The following WDR5 variants were observed in gnomAD, a reference collection of about 807,000 sequenced individuals.
WDR5 encodes WD repeat domain 5.
For missense variants in WDR5, 187 were observed against 416.9 expected (o/e 0.45, Z 4.80); for synonymous variants, 144 against 161.6 (o/e 0.89, Z 0.83).
intron 1 of WDR5, among the ~76,000 whole-genome samples, chr9:134,137,776 C>T (rs893234208): frequency 6.6e-6 from 1 of 152,084 alleles, no homozygotes; most frequent in African/African-American, 2.4e-5. Flanking sequence ...CACCCCCCGA[C>T]GGAGTTTCAC....
At position 134,159,474 on chromosome 9, in the gene WDR5, G is replaced by C. The variant is rs1832898910; in HGVS notation, c.*1481G>C. On this transcript the variant is annotated 3_prime_UTR_variant, in exon 14 of 14. Transcript: ENST00000358625. The surrounding 1 kb of genome is among the most constrained non-coding windows in gnomAD (Gnocchi z 4.3). ...CCTGGAGTCCTGGATGAATCCTGCA[G>C]GTTTTTGGTTGCACCGGCCCAGGGA... 1 of 152,360 alleles carries C rather than the reference G, an allele frequency of 6.6e-6. No homozygotes were observed. Among genetic ancestry groups the C allele is most frequent in the African/African-American group, 2.4e-5 (1 of 41,442 alleles). 9.4% of individuals were successfully genotyped at this position (152,360 alleles called of 1,614,324 possible).
chr9:134,154,812 C>A (rs555668525), intron 10 of WDR5, among the ~76,000 whole-genome samples: 2 of 152,338 alleles, frequency 1.3e-5, no homozygotes, highest in Non-Finnish European at 2.9e-5. Context: ...CCTAGCCATC[C>A]CGCATGAAGG....
chr9:134,151,064 G>A (rs561506035), intron 8 of WDR5, among the ~76,000 whole-genome samples: 157 of 152,262 alleles, frequency 1.0e-3, no homozygotes, highest in Non-Finnish European at 1.2e-3. Flanking sequence ...AGGCCCTCCC[G>A]CAGTGATTGC....
Position 134,142,353 on chromosome 9 carries a change from G to T in WDR5, c.375G>T (p.Leu125=), listed in dbSNP as rs1831939497. ...DVSSGKCLKT[L]KGHSNYVFCC... is the part of the protein sequence containing the mutation. ...TATAGGGCAAGTGTCTGAAAACCCTGAAGGGACACAGTAATTATGTCTTTT... is the reference window on the plus strand; with the variant it reads ...TATAGGGCAAGTGTCTGAAAACCCTTAAGGGACACAGTAATTATGTCTTTT... Residue 125 remains leucine, a synonymous_variant, in exon 6 of 14, where the codon CTG becomes CTT. Transcript: ENST00000358625. 6.2e-7 allele frequency: 1 copy of T among 1,614,038 alleles called. No individual in the cohort carries two copies. The highest frequency in any genetic ancestry group is 1.3e-5 in the African/African-American group (1 of 74,930).
intron 7 of WDR5, among the ~76,000 whole-genome samples, chr9:134,143,193 CG>C (rs1299167245): frequency 6.6e-6 from 1 of 152,192 alleles, no homozygotes; most frequent in Non-Finnish European, 1.5e-5. Context: ...CTCCGGAGAG[CG>C]GGCCTTGCAC....
At chr9:134,139,164 C>T (rs1018653924) in intron 1 of WDR5, among the ~76,000 whole-genome samples, 1 of 152,108 alleles carries the variant, frequency 6.6e-6, no homozygotes, top group Non-Finnish European at 1.5e-5. Context: ...GAAATTCCAG[C>T]AGGCAGAGCT....
intron 2 of WDR5, 115 bp downstream of exon 2, chr9:134,140,073 A>G (rs1831801294): frequency 1.6e-6 from 2 of 1,221,806 alleles, no homozygotes; most frequent in South Asian, 2.6e-5. Context: ...TGTCACTGCT[A>G]ATTTTTATTT....
intron 13 of WDR5, 55 bp downstream of exon 13, chr9:134,156,648 C>G (rs1445794063): frequency 2.5e-6 from 4 of 1,581,916 alleles, no homozygotes; most frequent in Non-Finnish European, 3.5e-6. Flanking sequence ...AGGACAGTTC[C>G]TGCAGGTGAA....
chr9:134,142,614 C>T, intron 6 of WDR5, 22 bp from the exon 7 acceptor site: 1 of 1,613,658 alleles, frequency 6.2e-7, no homozygotes. Flanking sequence ...TGTAAAATCA[C>T]TGTCATCTCT....
intron 8 of WDR5, among the ~76,000 whole-genome samples, chr9:134,150,289 A>C (rs1031938900): frequency 2.0e-4 from 31 of 152,262 alleles, no homozygotes; most frequent in Non-Finnish European, 3.8e-4. Context: ...TAACGTAAAC[A>C]TCAGGAAACC....
intron 1 of WDR5, among the ~76,000 whole-genome samples, chr9:134,137,949 G>T (rs942833923): frequency 6.6e-6 from 1 of 152,106 alleles, no homozygotes; most frequent in Admixed American, 6.5e-5. Flanking sequence ...CTCCATGCTG[G>T]TCAGGCTGGT....
At chr9:134,138,298 C>T (rs1831686784) in intron 1 of WDR5, among the ~76,000 whole-genome samples, 1 of 151,540 alleles carries the variant, frequency 6.6e-6, no homozygotes, top group African/African-American at 2.4e-5. Context: ...TGGTGTTTCG[C>T]TTGGGTAGGG....
At position 134,156,556 on chromosome 9, in the gene WDR5, G is replaced by A. The variant is rs779856578; in HGVS notation, c.867G>A (p.Gln289=). 6.2e-7 allele frequency: 1 copy of A among 1,614,234 alleles called. No homozygotes were observed. The highest frequency in any genetic ancestry group is 1.7e-5 in the Admixed American group (1 of 60,028). Residue 289 remains glutamine (Q), a synonymous_variant, in exon 13 of 14, where the codon CAG becomes CAA. Coordinates refer to ENST00000358625, the MANE Select transcript of WDR5 (RefSeq NM_017588.3). ...ACCTTGTTTACATCTGGAACCTTCA[G>A]ACGAAAGAGATTGTACAGAAACTAC... ...EDNLVYIWNL[Q]TKEIVQKLQG...
At chr9:134,156,673 T>C in intron 13 of WDR5, 80 bp downstream of exon 13, 4 of 1,450,500 alleles carry the variant, frequency 2.8e-6, no homozygotes, top group Non-Finnish European at 3.8e-6. Flanking sequence ...GGTGTGCCCG[T>C]AGGGTGCCGT....
chr9:134,149,391 G>A (rs185275217), intron 8 of WDR5, among the ~76,000 whole-genome samples: 39 of 152,338 alleles, frequency 2.6e-4, no homozygotes, highest in African/African-American at 9.4e-4. Context: ...GAGGTCATCC[G>A]GAGCCCCACA....
chr9:134,156,732 G>T, intron 13 of WDR5, 139 bp downstream of exon 13: 3 of 757,766 alleles, frequency 4.0e-6, no homozygotes, highest in Non-Finnish European at 2.1e-6. Context: ...CTGAGGAACC[G>T]CTGCTAAGAG....
rs535980548 is a variant in WDR5, at chr9:134,157,469, A to G, written c.905-424A>G. Among the ~76,000 whole-genome samples, 109 of 152,228 alleles carry G rather than the reference A, an allele frequency of 7.2e-4. No individual in the cohort carries two copies. Among genetic ancestry groups the G allele is most frequent in the Admixed American group, 2.0e-3 (31 of 15,296 alleles). ...GGGAGGCGGTGGGAGTGGGCGGCTC[A>G]GGGTCCGAGGAGAAGAGGGACATTG... On this transcript the variant is annotated intron_variant, in intron 13 of 13. Coordinates refer to ENST00000358625, the MANE Select transcript of WDR5 (RefSeq NM_017588.3). This position sits in a 1 kb window ranked among gnomAD's most constrained non-coding sequence, Gnocchi z 5.0.
intron 5 of WDR5, 61 bp downstream of exon 5, chr9:134,142,099 G>A (rs1234689889): frequency 1.2e-4 from 178 of 1,521,708 alleles, no homozygotes; most frequent in Middle Eastern, 3.4e-4. Context: ...GGGCAGGTGC[G>A]GGGGACTGAG....
chr9:134,148,118 G>A (rs911135237), intron 7 of WDR5, among the ~76,000 whole-genome samples, 170 bp from the exon 8 acceptor site: 1 of 150,710 alleles, frequency 6.6e-6, no homozygotes, highest in African/African-American at 2.4e-5. Flanking sequence ...AGCTGAGATC[G>A]CACCCCAGCC....
Sources: allele counts gnomAD v4.1 joint callset (sites outside exome capture counted in the v4.1 genomes callset), GRCh38; gene constraint gnomAD v4.1.1; non-coding constraint Gnocchi (gnomAD v3.1); transcripts MANE v1.5; gene names NCBI Gene and HGNC (gene_info 2026-07-23, HGNC 2026-07-21).